Variants in ATXN10 observed in about 807,000 individuals in gnomAD.
ATXN10 encodes the protein ataxin 10.
Under a neutral mutation model 52.9 loss-of-function variants are expected in ATXN10, and 28 were observed. The ratio of observed to expected loss-of-function variants is 0.53; its 90% CI spans 0.39 to 0.73. ATXN10 has a LOEUF of 0.73. Ranked by LOEUF, ATXN10 falls within the 30% of genes least tolerant of loss-of-function variation. The probability of loss-of-function intolerance (pLI) is 0.00; values close to 1 mark genes in which losing one functional copy is unlikely to be tolerated. For synonymous variants in ATXN10, 226 were observed against 221.5 expected (o/e 1.02, Z -0.18); for missense variants, 565 against 577.0 (o/e 0.98, Z 0.21).
rs547022390 is a variant in ATXN10, at chr22:45,818,211, G to T, written c.1237+11189G>T. Among the ~76,000 whole-genome samples the T allele has an allele frequency of 6.6e-6, 1 of 152,332 alleles. No individual in the cohort carries two copies. The highest frequency in any genetic ancestry group is 1.9e-4 in the East Asian group (1 of 5,182). On this transcript the variant is annotated intron_variant, in intron 10 of 11. Coordinates refer to ENST00000252934, the MANE Select transcript of ATXN10 (RefSeq NM_013236.4). The surrounding 1 kb of genome is among the most constrained non-coding windows in gnomAD (Gnocchi z 4.6). ...CACAGAGGCTAGAAGCTAAAGCTGT[G>T]TCAGCACACTGGGAGTTTTACAGTG...
chr22:45,699,807 AT>A (rs1018509951), intron 3 of ATXN10, among the ~76,000 whole-genome samples: 3 of 147,746 alleles, frequency 2.0e-5, no homozygotes, highest in Non-Finnish European at 3.0e-5. Context: ...AAGTTAATTA[AT>A]TTTGTATGTA....
At chr22:45,831,570 G>A (rs1394572333) in intron 10 of ATXN10, among the ~76,000 whole-genome samples, 2 of 152,096 alleles carry the variant, frequency 1.3e-5, no homozygotes, top group Admixed American at 6.5e-5. Context: ...TTCATGCCAG[G>A]CATTGTGATC....
chr22:45,721,514 A>G (rs998394677), intron 6 of ATXN10, among the ~76,000 whole-genome samples: 1 of 152,204 alleles, frequency 6.6e-6, no homozygotes, highest in Non-Finnish European at 1.5e-5. Flanking sequence ...TTGGCATCAG[A>G]AAGAGTTCAA....
chr22:45,675,514 A>G (rs1386732660), intron 1 of ATXN10: 3 of 152,056 alleles, frequency 2.0e-5, no homozygotes, highest in Non-Finnish European at 4.4e-5. Context: ...TGAATCACCC[A>G]CTCTGACAAA....
intron 1 of ATXN10, among the ~76,000 whole-genome samples, chr22:45,685,902 A>G (rs566714501): frequency 7.9e-5 from 12 of 152,184 alleles, no homozygotes; most frequent in African/African-American, 2.9e-4. Context: ...CTCTTAAGAA[A>G]TTTAAAATAC....
chr22:45,796,751 C>T (rs535584649), intron 9 of ATXN10, among the ~76,000 whole-genome samples: 23 of 152,302 alleles, frequency 1.5e-4, no homozygotes, highest in Admixed American at 2.6e-4. Flanking sequence ...TCCCACCTTC[C>T]GCCTCCCAAA....
Position 45,683,252 on chromosome 22 carries a change from G to C in ATXN10, c.117-6460G>C, listed in dbSNP as rs1193161945. Among the ~76,000 whole-genome samples the C allele has an allele frequency of 1.3e-5, 2 of 152,204 alleles. No individual in the cohort carries two copies. Among genetic ancestry groups the C allele is most frequent in the East Asian group, 3.8e-4 (2 of 5,200 alleles). ...GAGAATTGCTTGAACTTGGGAGGCG[G>C]GGGTTGCAGTGAGCTGAGATCCTGC... On this transcript the variant is annotated intron_variant, in intron 1 of 11. Transcript: ENST00000252934. This position sits in a 1 kb window ranked among gnomAD's most constrained non-coding sequence, Gnocchi z 4.8.
intron 9 of ATXN10, among the ~76,000 whole-genome samples, chr22:45,802,040 A>G (rs1927946937): frequency 6.6e-6 from 1 of 152,228 alleles, no homozygotes; most frequent in African/African-American, 2.4e-5. Flanking sequence ...GAGCTTGGTT[A>G]TTAGAGTTGG....
intron 9 of ATXN10, among the ~76,000 whole-genome samples, chr22:45,806,183 A>T (rs11912818): frequency 6.6e-6 from 1 of 152,132 alleles, no homozygotes; most frequent in African/African-American, 2.4e-5. Flanking sequence ...CCAGCAGTGT[A>T]TGAGAGTGTC....
In ATXN10 at chr22:45,672,952, A is replaced by C. The variant is rs1190739260; in HGVS notation, c.116+773A>C. ...GGAATAAATGAAATAAAGTACGTGA[A>C]AATATAAAATGTGCGAAGCCCTCAG... On this transcript the variant is annotated intron_variant, in intron 1 of 11. Transcript: ENST00000252934. 2.0e-5 allele frequency: 3 copies of C among 152,246 alleles called. No individual in the cohort carries two copies. In the East Asian group the frequency reaches 5.8e-4, roughly 29 times the overall value. The allele number at this position is 152,246 out of a possible 1,614,324, so 9.4% of individuals were successfully genotyped here.
Position 45,772,306 on chromosome 22 carries a change from C to G in ATXN10, c.1173+31768C>G, listed in dbSNP as rs1479460133. Among the ~76,000 whole-genome samples the G allele has an allele frequency of 6.6e-6, 1 of 152,178 alleles. No individual in the cohort carries two copies. Among genetic ancestry groups the G allele is most frequent in the African/African-American group, 2.4e-5 (1 of 41,446 alleles). On this transcript the variant is annotated intron_variant, in intron 9 of 11. Coordinates refer to ENST00000252934, the MANE Select transcript of ATXN10 (RefSeq NM_013236.4). The surrounding 1 kb of genome is among the most constrained non-coding windows in gnomAD (Gnocchi z 4.1). ...TTTTGCAAATGGATGATGAATTATT[C>G]TAGCAGCATTTGTTAAAAAGACTAT...
At chr22:45,836,306 A>G (rs1929165564) in intron 10 of ATXN10, among the ~76,000 whole-genome samples, 1 of 152,252 alleles carries the variant, frequency 6.6e-6, no homozygotes, top group South Asian at 2.1e-4. Context: ...AGCAATGAAA[A>G]TATCTCTTGA....
At position 45,819,215 on chromosome 22, in the gene ATXN10, T is replaced by C. The variant is rs1344838067; in HGVS notation, c.1237+12193T>C. On this transcript the variant is annotated intron_variant, in intron 10 of 11. Transcript: ENST00000252934. This position sits in a 1 kb window ranked among gnomAD's most constrained non-coding sequence, Gnocchi z 4.5. ...GAAAATAGAATAGAATAGAATAGAA[T>C]AGAATAGAATAGAATAGAATAGAAT... 2.8e-5 allele frequency among the ~76,000 whole-genome samples: 4 copies of C among 140,958 alleles called. No homozygotes were observed. The highest frequency in any genetic ancestry group is 6.1e-5 in the Non-Finnish European group (4 of 65,388). 92.5% of individuals were successfully genotyped at this position (140,958 alleles called of 152,430 possible).
rs979694080 is a variant in ATXN10, at chr22:45,759,418, G to A, written c.1173+18880G>A. Among the ~76,000 whole-genome samples the A allele has an allele frequency of 3.3e-5, 5 of 152,194 alleles. No homozygotes were observed. The highest frequency in any genetic ancestry group is 2.1e-4 in the South Asian group (1 of 4,822). On this transcript the variant is annotated intron_variant, in intron 9 of 11. Coordinates refer to ENST00000252934, the MANE Select transcript of ATXN10 (RefSeq NM_013236.4). The surrounding 1 kb of genome is among the most constrained non-coding windows in gnomAD (Gnocchi z 5.4). Reference sequence around the variant, plus strand: ...TCCCAGCTACTCGGGAGGCTGAGGCGGGAGAATCACCTGAACTCGGGAGGC... The same window carrying A: ...TCCCAGCTACTCGGGAGGCTGAGGCAGGAGAATCACCTGAACTCGGGAGGC...
In ATXN10 at chr22:45,819,761, T is replaced by C. The variant is rs1928588929; in HGVS notation, c.1237+12739T>C. On this transcript the variant is annotated intron_variant, in intron 10 of 11. Coordinates refer to ENST00000252934, the MANE Select transcript of ATXN10 (RefSeq NM_013236.4). The surrounding 1 kb of genome is among the most constrained non-coding windows in gnomAD (Gnocchi z 4.5). ...ATGAAGTTAATTATTTGCCAATTTT[T>C]CTTTTTGCATTAGATTAATTAAAAA... 6.6e-6 allele frequency among the ~76,000 whole-genome samples: 1 copy of C among 152,250 alleles called. No homozygotes were observed. The highest frequency in any genetic ancestry group is 2.4e-5 in the African/African-American group (1 of 41,466).
At chr22:45,822,523 AT>A (rs763159693) in intron 10 of ATXN10, among the ~76,000 whole-genome samples, 2,714 of 96,638 alleles carry the variant, frequency 0.028, 21 homozygotes, top group African/African-American at 0.092. Flanking sequence ...AATTTCTCCA[AT>A]TTTTTTTTTT....
intron 9 of ATXN10, among the ~76,000 whole-genome samples, chr22:45,748,210 C>T (rs1030864826): frequency 3.9e-5 from 6 of 151,946 alleles, no homozygotes; most frequent in Admixed American, 3.9e-4. Context: ...AATGGATTGC[C>T]TTATGTCTCT....
Position 45,844,674 on chromosome 22 carries a change from A to C in ATXN10, c.*1003A>C, listed in dbSNP as rs1231581681. ...AATCCAGATCATTCATATCATCAAC[A>C]AAAGCTCTAGGGGGAGGTCACGTTG... On this transcript the variant is annotated 3_prime_UTR_variant, in exon 12 of 12. Transcript: ENST00000252934. 2 of 152,220 alleles carry C rather than the reference A, an allele frequency of 1.3e-5. No homozygotes were observed. The highest frequency in any genetic ancestry group is 1.5e-5 in the Non-Finnish European group (1 of 68,038). The allele number at this position is 152,220 out of a possible 1,614,324, so 9.4% of individuals were successfully genotyped here.
At chr22:45,839,171 G>T (rs1000792804) in intron 10 of ATXN10, among the ~76,000 whole-genome samples, 4 of 152,238 alleles carry the variant, frequency 2.6e-5, no homozygotes, top group African/African-American at 9.6e-5. Flanking sequence ...TCTCAAGGCC[G>T]TGAAAGGGAG....
Sources: gnomAD v4.1 joint callset for allele counts (sites outside exome capture counted in the v4.1 genomes callset) on GRCh38, gnomAD v4.1.1 for gene constraint, Gnocchi (gnomAD v3.1) non-coding constraint, MANE v1.5 for transcripts, NCBI Gene and HGNC (gene_info 2026-07-23, HGNC 2026-07-21) for gene names.